CSPP1: variants seen among roughly 807,000 people sequenced by gnomAD.
The protein encoded by CSPP1 is centrosome and spindle pole-associated protein 1.
In CSPP1, 126 loss-of-function variants were observed where a neutral mutation model predicts 164.4. The observed-to-expected ratio is 0.77, with a 90% CI of 0.66 to 0.89. The LOEUF (loss-of-function observed/expected upper bound fraction) is 0.89. CSPP1 is among the 40% of genes least tolerant of loss of function. CSPP1 has a pLI of 0.00. For synonymous variants in CSPP1, 472 were observed against 476.7 expected (o/e 0.99, Z 0.13); for missense variants, 1,395 against 1,449.8 (o/e 0.96, Z 0.61).
chr8:67,107,744 A>G (rs1246669955), intron 9 of CSPP1, among the ~76,000 whole-genome samples: 2 of 152,148 alleles, frequency 1.3e-5, no homozygotes, highest in African/African-American at 4.8e-5. Context: ...GTCACTTGGG[A>G]CCTTTTGCTT....
At chr8:67,192,066 GTT>G (rs34907123) in intron 29 of CSPP1, among the ~76,000 whole-genome samples, 1 of 129,858 alleles carries the variant, frequency 7.7e-6, no homozygotes, top group African/African-American at 3.0e-5. Flanking sequence ...TTGCTGATTT[GTT>G]TTTTTTTTTG....
In CSPP1 at chr8:67,070,756, G is replaced by GTT. The variant is rs1260917805; in HGVS notation, c.-10-3479_-10-3478dup. Reference sequence around the variant, plus strand: ...ATATATATATATTTCTATTTTTAGTGTTTTTTTTTGAGATGGGGTCTTGCT... The same window carrying GTT: ...ATATATATATATTTCTATTTTTAGTGTTTTTTTTTTTGAGATGGGGTCTTGCT... On this transcript the variant is annotated intron_variant, in intron 1 of 30. Transcript: ENST00000678616. Among the ~76,000 whole-genome samples, 7 of 147,910 alleles carry GTT rather than the reference G, an allele frequency of 4.7e-5. No homozygotes were observed. The East Asian group carries it at 1.4e-3, about 29-fold the overall frequency.
chr8:67,180,693 T>C (rs979526908), intron 28 of CSPP1, among the ~76,000 whole-genome samples: 6 of 152,304 alleles, frequency 3.9e-5, no homozygotes, highest in Admixed American at 3.9e-4. Context: ...AATGTTACCA[T>C]TGGGGGAAAC....
At chr8:67,137,311 C>T (rs1822528019) in intron 16 of CSPP1, 145 bp from the exon 17 acceptor site, 4 of 522,294 alleles carry the variant, frequency 7.7e-6, no homozygotes, top group African/African-American at 4.0e-5. Flanking sequence ...TGATTTTAAC[C>T]TTTGTAGGGG....
In CSPP1 at chr8:67,064,407, C is replaced by G; in HGVS notation, c.-142C>G. The stretch of plus-strand genomic sequence containing the variant: ...CGGCCCGGAGGTCTGTCATGCTGTT[C>G]CCGCTCCAGGTGGCCGCTGTAACCT... On this transcript the variant is annotated 5_prime_UTR_variant, in exon 1 of 31. Transcript: ENST00000678616. 6.2e-7 allele frequency: 1 copy of G among 1,613,654 alleles called. No individual in the cohort carries two copies.
chr8:67,093,806 A>C (rs926265076), intron 6 of CSPP1, among the ~76,000 whole-genome samples, 165 bp downstream of exon 6: 1 of 152,158 alleles, frequency 6.6e-6, no homozygotes, highest in Admixed American at 6.5e-5. Context: ...TTAGTTTTGG[A>C]AGTTATTTTA....
intron 24 of CSPP1, among the ~76,000 whole-genome samples, chr8:67,166,538 G>C (rs1357326771): frequency 1.3e-5 from 2 of 152,130 alleles, no homozygotes; most frequent in Non-Finnish European, 2.9e-5. Flanking sequence ...GTACAGATTG[G>C]CTTGATAATG....
chr8:67,160,464 CAA>C (rs1206237868), intron 21 of CSPP1, among the ~76,000 whole-genome samples: 14 of 77,656 alleles, frequency 1.8e-4, no homozygotes, highest in Admixed American at 1.5e-4. Flanking sequence ...GACTCCATCT[CAA>C]AAAAAAAAAA....
intron 3 of CSPP1, among the ~76,000 whole-genome samples, chr8:67,080,699 T>C (rs57867847): frequency 0.13 from 19,425 of 152,234 alleles, 2,464 homozygotes; most frequent in African/African-American, 0.33. Context: ...CTCAAGAAAG[T>C]GCTGTACTTA....
chr8:67,136,835 A>G (rs1822402110), intron 16 of CSPP1, among the ~76,000 whole-genome samples: 3 of 151,944 alleles, frequency 2.0e-5, no homozygotes, highest in Admixed American at 6.6e-5. Flanking sequence ...TGGAACTGGC[A>G]GGGTTAGAGA....
At position 67,193,516 on chromosome 8, in the gene CSPP1, C is replaced by A; in HGVS notation, c.3383C>A (p.Ser1128Tyr). 1 of 1,612,412 alleles carries A rather than the reference C, an allele frequency of 6.2e-7. No homozygotes were observed. The highest frequency in any genetic ancestry group is 1.1e-5 in the South Asian group (1 of 91,056). The change falls in exon 30 of 31, where the codon TCC (serine) becomes TAC (tyrosine). Residue 1128 changes from serine to tyrosine, a missense_variant. Transcript: ENST00000678616. Reference protein sequence around the residue: ...APDGLSLKSISSVNVDELRVR... With the variant: ...APDGLSLKSIYSVNVDELRVR... ...GATGGTCTCTCTCTAAAATCTATAT[C>A]CAGTGTAAATGTTGATGAGCTTAGA...
At chr8:67,163,880 A>C in intron 23 of CSPP1, 82 bp downstream of exon 23, 1 of 1,158,538 alleles carries the variant, frequency 8.6e-7, no homozygotes, top group Non-Finnish European at 1.3e-6. Flanking sequence ...ACTCATAGAA[A>C]ATTGCAGAAA....
intron 1 of CSPP1, among the ~76,000 whole-genome samples, chr8:67,069,457 A>C (rs778016469): frequency 8.5e-5 from 13 of 152,138 alleles, no homozygotes; most frequent in Non-Finnish European, 1.8e-4. Context: ...TATAATGTTA[A>C]ATAATTACAG....
chr8:67,103,213 A>C, intron 8 of CSPP1, 78 bp downstream of exon 8: 2 of 780,170 alleles, frequency 2.6e-6, no homozygotes, highest in East Asian at 5.4e-5. Context: ...GCTAACTGAA[A>C]AAGTAGAAAG....
In CSPP1 at chr8:67,159,872, CTT is replaced by C. The variant is rs745729143; in HGVS notation, c.2538+737_2538+738del. ...TTTCTTTTTCTTTCTTTCTTTCTTT[CTT>C]TCTTTCTTTCTTTCTTTCTTTCTTT... On this transcript the variant is annotated intron_variant, in intron 21 of 30. Coordinates refer to ENST00000678616, the MANE Select transcript of CSPP1 (RefSeq NM_001382391.1). 2.0e-4 allele frequency among the ~76,000 whole-genome samples: 10 copies of C among 50,918 alleles called. 2 individuals carry two copies. Among genetic ancestry groups the C allele is most frequent in the African/African-American group, 7.8e-4 (8 of 10,314 alleles). 33.4% of individuals were successfully genotyped at this position (50,918 alleles called of 152,430 possible).
chr8:67,072,675 G>A (rs1242452120), intron 1 of CSPP1, among the ~76,000 whole-genome samples: 1 of 151,894 alleles, frequency 6.6e-6, no homozygotes, highest in Admixed American at 6.6e-5. Context: ...CCTGGGCAAC[G>A]TAGTGAGATC....
At position 67,159,009 on chromosome 8, in the gene CSPP1, G is replaced by T. The variant is rs1328490275; in HGVS notation, c.2410G>T (p.Glu804Ter). The T allele has an allele frequency of 1.9e-6, 3 of 1,602,000 alleles. No homozygotes were observed. Among genetic ancestry groups the T allele is most frequent in the Admixed American group, 3.5e-5 (2 of 57,430 alleles). Residue 804 changes from glutamate to a stop codon, truncating the protein, a stop_gained, in exon 21 of 31, where the codon GAG becomes TAG. Transcript: ENST00000678616. LOFTEE classifies it high-confidence loss of function. ...TTTAAAGCAAAGGCTAAAAAATGAA[G>T]AGCATATTCGGTTAGCTGAAGAAAG... ...KEEEQRLKNE[E>*]HIRLAEERQK...
intron 28 of CSPP1, among the ~76,000 whole-genome samples, chr8:67,182,633 A>G (rs1348608313): frequency 6.6e-6 from 1 of 152,200 alleles, no homozygotes; most frequent in African/African-American, 2.4e-5. Context: ...ATTTCTCTAC[A>G]TCCTTAACAC....
At chr8:67,187,218 A>AT (rs573799675) in intron 28 of CSPP1, among the ~76,000 whole-genome samples, 30 of 152,362 alleles carry the variant, frequency 2.0e-4, no homozygotes, top group South Asian at 6.2e-4. Flanking sequence ...CAACAAACTG[A>AT]TTCTAAAGTT....
Sources: gnomAD v4.1 joint callset for allele counts (sites outside exome capture counted in the v4.1 genomes callset) on GRCh38, gnomAD v4.1.1 for gene constraint, MANE v1.5 for transcripts, NCBI Gene and HGNC (gene_info 2026-07-23, HGNC 2026-07-21) for gene names.